The following DLEU7 variants were observed in gnomAD, a reference collection of about 807,000 sequenced individuals.
DLEU7 encodes the protein deleted in lymphocytic leukemia 7.
In DLEU7, 17 loss-of-function variants were observed where a neutral mutation model predicts 16.0. That is an observed-to-expected ratio of 1.06 (90% CI 0.73 to 1.59). The LOEUF (loss-of-function observed/expected upper bound fraction) is 1.59, where lower values mean the gene tolerates loss of function less well. Among genes scored for constraint, DLEU7 ranks in the 40% most tolerant of loss-of-function variants. DLEU7 has a pLI of 0.00. For missense variants in DLEU7, 308 were observed against 314.9 expected (o/e 0.98, Z 0.17); for synonymous variants, 113 against 139.8 (o/e 0.81, Z 1.35).
At chr13:50,711,054 T>C (rs1220973285), downstream of DLEU7, 1 of 152,196 alleles carries the variant, frequency 6.6e-6, no homozygotes, top group African/African-American at 2.4e-5. Context: ...AACACTTTAC[T>C]ATATATTTTT....
chr13:50,795,356 A>C (rs1423772786), intron 1 of DLEU7, among the ~76,000 whole-genome samples: 1 of 152,184 alleles, frequency 6.6e-6, no homozygotes, highest in Non-Finnish European at 1.5e-5. Flanking sequence ...GCACGTCTCC[A>C]GAGTGGTCCA....
chr13:50,814,208 G>T lies in DLEU7; in HGVS notation c.459+28980C>A, dbSNP rs190362568. 3.9e-5 allele frequency among the ~76,000 whole-genome samples: 6 copies of T among 152,192 alleles called. No individual in the cohort carries two copies. The East Asian group carries it at 1.2e-3, about 29-fold the overall frequency. On this transcript the variant is annotated intron_variant, in intron 1 of 1. Transcript: ENST00000400393. ...TGAAAAAAATAGAAGTTGACTCCAT[G>T]ATTCCTTAGCTCTCCTCTACAAGGT... is the stretch of plus-strand genomic sequence containing the variant.
Position 50,832,902 on chromosome 13 carries a change from A to G in DLEU7, c.460-9382T>C, listed in dbSNP as rs372250302. Among the ~76,000 whole-genome samples the G allele has an allele frequency of 1.4e-4, 21 of 152,294 alleles. No individual in the cohort carries two copies. The East Asian group carries it at 2.1e-3, about 15-fold the overall frequency. Reference sequence around the variant, plus strand: ...GCTAAGGAGTGTTCAACATATGCAAATCAATAAATGTAATCCATACACAAA... The same window carrying G: ...GCTAAGGAGTGTTCAACATATGCAAGTCAATAAATGTAATCCATACACAAA... On this transcript the variant is annotated intron_variant, in intron 1 of 1. Transcript: ENST00000504404.
chr13:50,716,969 CAT>C (rs1873456424), intron 1 of DLEU7, among the ~76,000 whole-genome samples: 1 of 152,126 alleles, frequency 6.6e-6, no homozygotes, highest in African/African-American at 2.4e-5. Flanking sequence ...TATATATACA[CAT>C]GACGCATTTA....
At chr13:50,781,477 A>T (rs985582501) in intron 1 of DLEU7, among the ~76,000 whole-genome samples, 3 of 152,220 alleles carry the variant, frequency 2.0e-5, no homozygotes, top group South Asian at 2.1e-4. Flanking sequence ...GATCTTGAGC[A>T]CCGCCAACAT....
At chr13:50,814,756 A>G (rs904224208) in intron 1 of DLEU7, among the ~76,000 whole-genome samples, 2 of 69,122 alleles carry the variant, frequency 2.9e-5, no homozygotes, top group Non-Finnish European at 7.0e-5. Flanking sequence ...ACATGTATTC[A>G]TGTGAGTGTG....
intron 1 of DLEU7, chr13:50,719,724 T>G (rs1873542444): frequency 6.6e-6 from 1 of 152,238 alleles, no homozygotes; most frequent in Admixed American, 6.5e-5. Flanking sequence ...AATATGCTGC[T>G]GTGATTCAAT....
At chr13:50,786,117 CTAA>C in intron 1 of DLEU7, among the ~76,000 whole-genome samples, 1 of 152,114 alleles carries the variant, frequency 6.6e-6, no homozygotes, top group East Asian at 1.9e-4. Context: ...TGTGGTTTTA[CTAA>C]TAAGACTTTG....
At chr13:50,733,716 T>G (rs1012310015) in intron 1 of DLEU7, among the ~76,000 whole-genome samples, 1 of 152,210 alleles carries the variant, frequency 6.6e-6, no homozygotes, top group African/African-American at 2.4e-5. Flanking sequence ...CAGTTTTTCC[T>G]TCTAATAAAG....
intron 1 of DLEU7, among the ~76,000 whole-genome samples, chr13:50,802,618 A>G (rs1174000810): frequency 6.6e-6 from 1 of 152,206 alleles, no homozygotes; most frequent in Non-Finnish European, 1.5e-5. Context: ...AAACTAATTT[A>G]AATATTTTAT....
chr13:50,769,325 C>T (rs1875224383), intron 1 of DLEU7, among the ~76,000 whole-genome samples: 1 of 152,114 alleles, frequency 6.6e-6, no homozygotes, highest in South Asian at 2.1e-4. Flanking sequence ...GCTTTTGTTG[C>T]CATTGCTTTT....
chr13:50,827,485 C>T (rs1015620480), intron 1 of DLEU7, among the ~76,000 whole-genome samples: 3 of 151,556 alleles, frequency 2.0e-5, no homozygotes, highest in Non-Finnish European at 2.9e-5. Context: ...TCGAGACCAG[C>T]CTGGGCTACA....
downstream of DLEU7, chr13:50,822,730 A>G (rs1876952588): frequency 1.0e-6 from 1 of 985,276 alleles, no homozygotes; most frequent in Admixed American, 6.2e-5. Context: ...ATTAGTATAT[A>G]AAAGCACAAG....
At chr13:50,767,582 A>C (rs996484975) in intron 1 of DLEU7, among the ~76,000 whole-genome samples, 2 of 152,000 alleles carry the variant, frequency 1.3e-5, no homozygotes, top group Non-Finnish European at 2.9e-5. Context: ...AGCATACTGA[A>C]CCCTGTCTGT....
At chr13:50,733,330 G>A (rs1873973978) in intron 1 of DLEU7, among the ~76,000 whole-genome samples, 1 of 152,120 alleles carries the variant, frequency 6.6e-6, no homozygotes, top group Non-Finnish European at 1.5e-5. Context: ...CAAACCAAAT[G>A]TCCTCATATT....
intron 1 of DLEU7, among the ~76,000 whole-genome samples, chr13:50,728,135 G>A (rs1873816047): frequency 6.6e-6 from 1 of 152,168 alleles, no homozygotes; most frequent in Non-Finnish European, 1.5e-5. Flanking sequence ...CCTGGCCACA[G>A]GAACACCTCT....
intron 1 of DLEU7, among the ~76,000 whole-genome samples, chr13:50,731,128 C>T (rs772573156): frequency 3.3e-5 from 5 of 152,174 alleles, no homozygotes; most frequent in Non-Finnish European, 7.4e-5. Flanking sequence ...GAGTGGTCGT[C>T]GGCCAAGTCT....
In DLEU7 at chr13:50,823,231, G is replaced by A; in HGVS notation, c.*83C>T. 4.0e-6 allele frequency: 6 copies of A among 1,512,986 alleles called. No homozygotes were observed. The highest frequency in any genetic ancestry group is 5.3e-6 in the Non-Finnish European group (6 of 1,131,206). The allele number at this position is 1,512,986 out of a possible 1,614,324, so 93.7% of individuals were successfully genotyped here. ...CCCTTTGGATATAAAAATATCCATT[G>A]TCTGCTGACTCAATTAGGAAGGTAA... On this transcript the variant is annotated 3_prime_UTR_variant, in exon 2 of 2. Transcript: ENST00000504404.
At chr13:50,735,326 C>G (rs1874032755) in intron 1 of DLEU7, among the ~76,000 whole-genome samples, 1 of 152,114 alleles carries the variant, frequency 6.6e-6, no homozygotes, top group Admixed American at 6.6e-5. Context: ...TAGAGTACTT[C>G]ATCAAGCAAC....
Sources: allele counts gnomAD v4.1 joint callset (sites outside exome capture counted in the v4.1 genomes callset), GRCh38; gene constraint gnomAD v4.1.1; transcripts MANE v1.5; gene names NCBI Gene and HGNC (gene_info 2026-07-23, HGNC 2026-07-21).